The following ATG16L2 variants were observed in gnomAD, a reference collection of about 807,000 sequenced individuals.
ATG16L2 encodes protein Atg16l2.
ATG16L2 carries 77 observed loss-of-function variants against 84.7 expected under a neutral mutation model. The ratio of observed to expected loss-of-function variants is 0.91; its 90% CI spans 0.76 to 1.10. ATG16L2 has a LOEUF of 1.10. Among genes scored for constraint, ATG16L2 ranks in the 50% least tolerant of loss-of-function variants. The pLI is 0.00. For missense variants in ATG16L2, 782 were observed against 817.6 expected, an observed-to-expected ratio of 0.96 and a Z score of 0.53; for synonymous variants, 361 against 342.8, an observed-to-expected ratio of 1.05 and a Z score of -0.59.
In ATG16L2 at chr11:72,822,459, A is replaced by C. The variant is rs117778213; in HGVS notation, c.645-19A>C. 767 of 1,612,460 alleles carry C rather than the reference A, an allele frequency of 4.8e-4. 8 individuals are homozygous for C. In the East Asian group the frequency reaches 0.017, roughly 35 times the overall value. Reference sequence around the variant, plus strand: ...CGAGGCGCCGCGCCAGGGTCTCAGGATGCTTTTTACCCAACAAGGGCCAAG... The same window carrying C: ...CGAGGCGCCGCGCCAGGGTCTCAGGCTGCTTTTTACCCAACAAGGGCCAAG... On this transcript the variant is annotated intron_variant, in intron 5 of 17. Coordinates refer to ENST00000321297, the MANE Select transcript of ATG16L2 (RefSeq NM_033388.2). This position sits in a 1 kb window ranked among gnomAD's most constrained non-coding sequence, Gnocchi z 4.2.
chr11:72,817,627 G>T (rs188848404), intron 2 of ATG16L2, 129 bp from the exon 3 acceptor site: 110 of 821,776 alleles, frequency 1.3e-4, no homozygotes, highest in East Asian at 5.3e-5. Context: ...TTACTGGCTT[G>T]CTGGCTTCCA....
At chr11:72,836,521 C>T (rs2135138325) in intron 5 of ATG16L2, among the ~76,000 whole-genome samples, 1 of 152,192 alleles carries the variant, frequency 6.6e-6, no homozygotes, top group African/African-American at 2.4e-5. Context: ...ATGGGAAAAG[C>T]AAAGACCGTA....
At chr11:72,834,585 CT>C (rs750842866), downstream of ATG16L2, among the ~76,000 whole-genome samples, 326 of 142,568 alleles carry the variant, frequency 2.3e-3, 1 homozygote, top group Admixed American at 2.8e-3. Flanking sequence ...CATTCCATTC[CT>C]TTTTTTTTTT....
chr11:72,824,486 C>G, intron 8 of ATG16L2: 1 of 569,418 alleles, frequency 1.8e-6, no homozygotes. Context: ...AAACCCCGGC[C>G]CTGAGGTTTC....
chr11:72,824,354 C>A, intron 8 of ATG16L2: 1 of 594,460 alleles, frequency 1.7e-6, no homozygotes, highest in Non-Finnish European at 3.0e-6. Flanking sequence ...AAGGTCGTCA[C>A]AGGGGACCAA....
At chr11:72,834,640 T>G (rs1210006371) in intron 5 of ATG16L2, among the ~76,000 whole-genome samples, 2 of 151,606 alleles carry the variant, frequency 1.3e-5, no homozygotes, top group Admixed American at 1.3e-4. Context: ...TGGAGTGCAG[T>G]GGCATGATCT....
Position 72,822,373 on chromosome 11 carries a change from A to T in ATG16L2, c.644+78A>T. 2 of 1,575,794 alleles carry T rather than the reference A, an allele frequency of 1.3e-6. No homozygotes were observed. The highest frequency in any genetic ancestry group is 1.7e-6 in the Non-Finnish European group (2 of 1,161,724). The stretch of plus-strand genomic sequence containing the variant: ...GGAGTCGGGCCTCGCCGGTGTCTGG[A>T]AGGGAGGGGGGCAGCAGCCGCCCCC... On this transcript the variant is annotated intron_variant, in intron 5 of 17. Coordinates refer to ENST00000321297, the MANE Select transcript of ATG16L2 (RefSeq NM_033388.2). This position sits in a 1 kb window ranked among gnomAD's most constrained non-coding sequence, Gnocchi z 4.2.
At chr11:72,814,625 G>A in intron 1 of ATG16L2, 62 bp downstream of exon 1, 11 of 1,412,366 alleles carry the variant, frequency 7.8e-6, no homozygotes, top group South Asian at 2.6e-5. Context: ...GGCGCGGGGA[G>A]AGGGTTTGGC....
chr11:72,815,445 C>A lies in ATG16L2; in HGVS notation c.118+882C>A, dbSNP rs570134585. ...CCCCACCTCCAGCAGCCACACTTCT[C>A]CACTGCTCAGACAGACAGTGGAACC... On this transcript the variant is annotated intron_variant, in intron 1 of 17. Transcript: ENST00000321297. Among the ~76,000 whole-genome samples the A allele has an allele frequency of 4.3e-4, 66 of 152,326 alleles. 1 individual carries two copies. Among genetic ancestry groups the A allele is most frequent in the African/African-American group, 1.5e-3 (63 of 41,562 alleles).
intron 5 of ATG16L2, among the ~76,000 whole-genome samples, chr11:72,835,816 T>G (rs1436247598): frequency 1.3e-5 from 2 of 151,044 alleles, no homozygotes; most frequent in African/African-American, 4.9e-5. Flanking sequence ...TGGCACAATC[T>G]CAGCTCACCG....
intron 13 of ATG16L2, 31 bp downstream of exon 13, chr11:72,826,854 C>G (rs1335900297): frequency 6.2e-7 from 1 of 1,607,470 alleles, no homozygotes; most frequent in Non-Finnish European, 8.5e-7. Context: ...CACCTCTCCT[C>G]CCCACCAGCC....
chr11:72,814,745 G>T (rs1859605555), intron 1 of ATG16L2, among the ~76,000 whole-genome samples, 182 bp downstream of exon 1: 1 of 152,208 alleles, frequency 6.6e-6, no homozygotes, highest in African/African-American at 2.4e-5. Context: ...GCTCTGGTTA[G>T]AACCTGGACG....
Position 72,822,580 on chromosome 11 carries a change from C to T in ATG16L2, c.710+37C>T. The T allele has an allele frequency of 2.2e-6, 3 of 1,341,906 alleles. No individual in the cohort carries two copies. Among genetic ancestry groups the T allele is most frequent in the Non-Finnish European group, 3.1e-6 (3 of 962,392 alleles). 83.1% of individuals were successfully genotyped at this position (1,341,906 alleles called of 1,614,324 possible). A position where few individuals can be genotyped will look rare whatever the true frequency, so the allele number is the denominator to read the frequency against. On this transcript the variant is annotated intron_variant, in intron 6 of 17. Transcript: ENST00000321297. The surrounding 1 kb of genome is among the most constrained non-coding windows in gnomAD (Gnocchi z 4.2). The stretch of plus-strand genomic sequence containing the variant: ...GATGGGCCGGTCCGACCCTTGCGTT[C>T]TGCCTCCCGCCCCGCCTGCCTGCGG...
intron 1 of ATG16L2, 119 bp from the exon 2 acceptor site, chr11:72,816,609 G>A: frequency 1.3e-6 from 1 of 780,586 alleles, no homozygotes; most frequent in Non-Finnish European, 2.1e-6. Flanking sequence ...CCTGCCAGAA[G>A]CTTCCCCATC....
chr11:72,822,808 T>A lies in ATG16L2; in HGVS notation c.711-40T>A. ...TGTGCTGGGGTCGGGAGGGGCTGGC[T>A]TGGTCCCTTGGCCTTTCTGAACTTC... On this transcript the variant is annotated intron_variant, in intron 6 of 17. Coordinates refer to ENST00000321297, the MANE Select transcript of ATG16L2 (RefSeq NM_033388.2). This position sits in a 1 kb window ranked among gnomAD's most constrained non-coding sequence, Gnocchi z 4.2. 6.8e-7 allele frequency: 1 copy of A among 1,460,344 alleles called. No individual in the cohort carries two copies. Among genetic ancestry groups the A allele is most frequent in the East Asian group, 2.5e-5 (1 of 40,566 alleles). 90.5% of individuals were successfully genotyped at this position (1,460,344 alleles called of 1,614,324 possible).
intron 5 of ATG16L2, chr11:72,842,489 G>A: frequency 9.6e-7 from 1 of 1,045,772 alleles, no homozygotes; most frequent in Non-Finnish European, 1.4e-6. Flanking sequence ...ATGCAGTTGT[G>A]CAGACACTGG....
Position 72,822,289 on chromosome 11 carries a change from G to A in ATG16L2, c.638G>A (p.Arg213Gln), listed in dbSNP as rs758631087. The A allele has an allele frequency of 1.3e-6, 2 of 1,511,786 alleles. No homozygotes were observed. Among genetic ancestry groups the A allele is most frequent in the Admixed American group, 2.3e-5 (1 of 44,164 alleles). The allele number at this position is 1,511,786 out of a possible 1,614,324, so 93.6% of individuals were successfully genotyped here. ...AAERNLRNER[R>Q]ERAKQARVSQ... The stretch of plus-strand genomic sequence containing the variant: ...GAGCGCAACCTGCGCAACGAGCGCC[G>A]GGAGCGGTGAGGGAGCAGGCCCCGC... Residue 213 changes from arginine (R) to glutamine (Q), a missense_variant, in exon 5 of 18, where the codon CGG becomes CAG. Physicochemically the swap from Arg to Gln is conservative, Grantham distance 43. Transcript: ENST00000321297. This position sits in a 1 kb window ranked among gnomAD's most constrained non-coding sequence, Gnocchi z 4.2.
In ATG16L2 at chr11:72,822,363, C is replaced by A. The variant is rs762573347; in HGVS notation, c.644+68C>A. 1.3e-6 allele frequency: 2 copies of A among 1,564,010 alleles called. No individual in the cohort carries two copies. The highest frequency in any genetic ancestry group is 1.7e-6 in the Non-Finnish European group (2 of 1,156,140). ...CCTGCAGGGAGGAGTCGGGCCTCGCCGGTGTCTGGAAGGGAGGGGGGCAGC... is the reference window on the plus strand; with the variant it reads ...CCTGCAGGGAGGAGTCGGGCCTCGCAGGTGTCTGGAAGGGAGGGGGGCAGC... On this transcript the variant is annotated intron_variant, in intron 5 of 17. Transcript: ENST00000321297. The surrounding 1 kb of genome is among the most constrained non-coding windows in gnomAD (Gnocchi z 4.2).
chr11:72,834,239 G>A (rs1428162840), downstream of ATG16L2, among the ~76,000 whole-genome samples: 1 of 152,204 alleles, frequency 6.6e-6, no homozygotes, highest in Admixed American at 6.5e-5. Context: ...TAAATGCGAA[G>A]ATTCAGAGCA....
Sources: gnomAD v4.1 joint callset for allele counts (sites outside exome capture counted in the v4.1 genomes callset) on GRCh38, gnomAD v4.1.1 for gene constraint, Gnocchi (gnomAD v3.1) non-coding constraint, MANE v1.5 for transcripts, NCBI Gene and HGNC (gene_info 2026-07-23, HGNC 2026-07-21) for gene names.